The following SPAG9 variants were observed in gnomAD, a reference collection of about 807,000 sequenced individuals.
SPAG9 encodes C-Jun-amino-terminal kinase-interacting protein 4.
In SPAG9, 35 loss-of-function variants were observed where a neutral mutation model predicts 166.5. The ratio of observed to expected loss-of-function variants is 0.21; its 90% CI spans 0.16 to 0.28. SPAG9 has a LOEUF of 0.28. Ranked by LOEUF, SPAG9 falls within the 10% of genes least tolerant of loss-of-function variation. SPAG9 has a pLI of 1.00. For synonymous variants in SPAG9, 534 were observed against 565.5 expected, an observed-to-expected ratio of 0.94 and a Z score of 0.79; for missense variants, 1,235 against 1,603.3, an observed-to-expected ratio of 0.77 and a Z score of 3.92.
At chr17:51,057,345 T>C (rs2047389391) in intron 2 of SPAG9, among the ~76,000 whole-genome samples, 1 of 152,148 alleles carries the variant, frequency 6.6e-6, no homozygotes, top group South Asian at 2.1e-4. Context: ...TAGAGGAGTT[T>C]ATCAGGGTAC....
At chr17:50,989,343 G>T (rs1006721607) in intron 21 of SPAG9, among the ~76,000 whole-genome samples, 2 of 152,182 alleles carry the variant, frequency 1.3e-5, no homozygotes, top group Non-Finnish European at 2.9e-5. Context: ...ATACCATCTA[G>T]ATTTGTGTAA....
chr17:50,966,799 C>T (rs1012056288), intron 29 of SPAG9, among the ~76,000 whole-genome samples: 2 of 152,184 alleles, frequency 1.3e-5, no homozygotes, highest in African/African-American at 4.8e-5. Flanking sequence ...AGGTACAGAG[C>T]AAACTAACTA....
intron 6 of SPAG9, among the ~76,000 whole-genome samples, chr17:51,027,084 T>G (rs1224885536): frequency 6.6e-6 from 1 of 152,156 alleles, no homozygotes; most frequent in African/African-American, 2.4e-5. Flanking sequence ...GGACAAAGTA[T>G]TTGGCCAGGG....
chr17:51,120,264 T>G lies in SPAG9; in HGVS notation c.303+90A>C. ...TCAGGCCCGCCCTCCAGGAGGCCCGTCGCGCCTCTAGTCCCCGACCGGGCC... is the reference window on the plus strand; with the variant it reads ...TCAGGCCCGCCCTCCAGGAGGCCCGGCGCGCCTCTAGTCCCCGACCGGGCC... On this transcript the variant is annotated intron_variant, in intron 1 of 29. Transcript: ENST00000262013. The surrounding 1 kb of genome is among the most constrained non-coding windows in gnomAD (Gnocchi z 4.7). 1 of 1,179,234 alleles carries G rather than the reference T, an allele frequency of 8.5e-7. No individual in the cohort carries two copies. Among genetic ancestry groups the G allele is most frequent in the Non-Finnish European group, 1.1e-6 (1 of 884,884 alleles). 73.0% of individuals were successfully genotyped at this position (1,179,234 alleles called of 1,614,324 possible).
intron 1 of SPAG9, among the ~76,000 whole-genome samples, chr17:51,100,651 T>TG (rs1346898176): frequency 6.6e-6 from 1 of 152,060 alleles, no homozygotes; most frequent in Non-Finnish European, 1.5e-5. Flanking sequence ...CCAGGTGCAG[T>TG]GGCTCACATC....
chr17:51,088,856 A>T, intron 1 of SPAG9, among the ~76,000 whole-genome samples: 1 of 151,956 alleles, frequency 6.6e-6, no homozygotes, highest in Admixed American at 6.6e-5. Context: ...GCACTTTGGG[A>T]GGCCGAGGCA....
chr17:51,090,325 A>G (rs937612940), intron 1 of SPAG9, among the ~76,000 whole-genome samples: 1 of 152,132 alleles, frequency 6.6e-6, no homozygotes, highest in Non-Finnish European at 1.5e-5. Context: ...ATTCAAGACC[A>G]GCCTGGCCAA....
chr17:51,064,127 CATTT>C (rs1009521283), intron 2 of SPAG9, among the ~76,000 whole-genome samples: 1 of 152,112 alleles, frequency 6.6e-6, no homozygotes, highest in Admixed American at 6.6e-5. Context: ...TTAACTAATT[CATTT>C]ATCTTTCCCA....
At chr17:51,032,355 G>A (rs893049927) in intron 5 of SPAG9, among the ~76,000 whole-genome samples, 2 of 151,890 alleles carry the variant, frequency 1.3e-5, no homozygotes, top group African/African-American at 2.4e-5. Context: ...GTAGAGATTT[G>A]GTATCGCCTT....
chr17:51,056,705 TTATC>T (rs1411909341), intron 2 of SPAG9, among the ~76,000 whole-genome samples: 2 of 152,122 alleles, frequency 1.3e-5, no homozygotes, highest in East Asian at 1.9e-4. Context: ...ATTCCTATAT[TTATC>T]AGGTCATCCC....
At position 50,995,103 on chromosome 17, in the gene SPAG9, C is replaced by T. The variant is rs201501137; in HGVS notation, c.2180G>A (p.Arg727Gln). The T allele has an allele frequency of 7.0e-5, 113 of 1,613,970 alleles. No homozygotes were observed. In the East Asian group the frequency reaches 1.1e-3, roughly 15 times the overall value. ...AGLDTEGSKQRSASQSSLDKL... is the reference protein window; with the variant it reads ...AGLDTEGSKQQSASQSSLDKL... ...ATCTAAACTACTCTGAGAGGCACTT[C>T]GCTGTTTACTGCCTTCTGTATCCAA... The change falls in exon 18 of 30, where the codon CGA becomes CAA. Residue 727 changes from arginine (R) to glutamine (Q), a missense_variant. Arg to Gln is a conservative substitution (Grantham distance 43, BLOSUM62 1). Transcript: ENST00000262013.
chr17:51,109,610 T>C (rs1462519258), intron 1 of SPAG9, among the ~76,000 whole-genome samples: 1 of 152,198 alleles, frequency 6.6e-6, no homozygotes, highest in South Asian at 2.1e-4. Context: ...TAATTCATTA[T>C]AAACATATTA....
rs949918724 is a variant in SPAG9, at chr17:50,980,409, T to G, written c.3238-492A>C. Among the ~76,000 whole-genome samples, 11 of 152,030 alleles carry G rather than the reference T, an allele frequency of 7.2e-5. No individual in the cohort carries two copies. In the South Asian group the frequency reaches 2.3e-3, roughly 32 times the overall value. The stretch of plus-strand genomic sequence containing the variant: ...TAGTAGAGACAGGCTTTCATCATGT[T>G]GGCCAGGCTGGTCTCAAACTCCTGA... On this transcript the variant is annotated intron_variant, in intron 25 of 29. Coordinates refer to ENST00000262013, the MANE Select transcript of SPAG9 (RefSeq NM_001130528.3).
In SPAG9 at chr17:50,990,306, G is replaced by C; in HGVS notation, c.2617+144C>G. The C allele has an allele frequency of 1.2e-5, 8 of 685,470 alleles. 1 individual carries two copies. In the South Asian group the frequency reaches 1.4e-4, roughly 12 times the overall value. The allele number at this position is 685,470 out of a possible 1,614,324, so 42.5% of individuals were successfully genotyped here. On this transcript the variant is annotated intron_variant, in intron 20 of 29. Coordinates refer to ENST00000262013, the MANE Select transcript of SPAG9 (RefSeq NM_001130528.3). ...GCCTCCCAGAGTGCTGGGATTACAG[G>C]CGTGAGCCACCACGCCCGGCCTACA...
At chr17:51,001,540 G>C (rs2044950361) in intron 13 of SPAG9, among the ~76,000 whole-genome samples, 175 bp downstream of exon 13, 1 of 152,110 alleles carries the variant, frequency 6.6e-6, no homozygotes, top group Non-Finnish European at 1.5e-5. Context: ...GGCCCAAAAA[G>C]CACCTCCTTT....
chr17:50,985,566 A>C, intron 23 of SPAG9, 132 bp downstream of exon 23: 1 of 582,334 alleles, frequency 1.7e-6, no homozygotes, highest in Non-Finnish European at 3.0e-6. Context: ...AGTTCCATAA[A>C]AAGGGTTAAA....
chr17:50,985,505 C>T (rs1567964113), intron 23 of SPAG9, among the ~76,000 whole-genome samples, 193 bp downstream of exon 23: 1 of 152,172 alleles, frequency 6.6e-6, no homozygotes, highest in African/African-American at 2.4e-5. Context: ...AGCAAGTTAT[C>T]CTTTCTACTT....
intron 25 of SPAG9, among the ~76,000 whole-genome samples, chr17:50,981,191 G>A (rs1974576189): frequency 6.6e-6 from 1 of 151,966 alleles, no homozygotes; most frequent in African/African-American, 2.4e-5. Flanking sequence ...TTTTTTTACT[G>A]CACTAATGGT....
chr17:51,007,803 G>A, intron 9 of SPAG9: 1 of 449,218 alleles, frequency 2.2e-6, no homozygotes, highest in Non-Finnish European at 4.5e-6. Context: ...CAAGGCTAAA[G>A]AAAGATAGAA....
Sources: allele counts gnomAD v4.1 joint callset (sites outside exome capture counted in the v4.1 genomes callset), GRCh38; gene constraint gnomAD v4.1.1; non-coding constraint Gnocchi (gnomAD v3.1); transcripts MANE v1.5; gene names NCBI Gene and HGNC (gene_info 2026-07-23, HGNC 2026-07-21).